Variants in CNTN5 observed in about 807,000 individuals in gnomAD.
CNTN5 encodes the protein contactin-5.
In CNTN5, 77 loss-of-function variants were observed where a neutral mutation model predicts 129.1. The observed-to-expected ratio is 0.60, with a 90% CI of 0.50 to 0.72. The LOEUF is 0.72. Among genes scored for constraint, CNTN5 ranks in the 30% least tolerant of loss-of-function variants. The pLI, the probability that CNTN5 is intolerant of heterozygous loss-of-function variation, is 0.00. For synonymous variants in CNTN5, 509 were observed against 465.6 expected (o/e 1.09, Z -1.20); for missense variants, 1,478 against 1,328.8 (o/e 1.11, Z -1.75).
intron 6 of CNTN5, among the ~76,000 whole-genome samples, chr11:99,892,038 T>C (rs1949074074): frequency 6.6e-6 from 1 of 152,204 alleles, no homozygotes; most frequent in Non-Finnish European, 1.5e-5. Context: ...TGGCCTGAGA[T>C]GGTATCTAAT....
At chr11:99,142,407 G>T (rs1471312250) in intron 1 of CNTN5, among the ~76,000 whole-genome samples, 1 of 152,110 alleles carries the variant, frequency 6.6e-6, no homozygotes, top group Non-Finnish European at 1.5e-5. Context: ...CTGCAGGCAG[G>T]TGCGCACCAA....
At chr11:99,631,424 A>G (rs550319212) in intron 3 of CNTN5, among the ~76,000 whole-genome samples, 35 of 152,140 alleles carry the variant, frequency 2.3e-4, no homozygotes, top group Admixed American at 7.9e-4. Context: ...TTAGTAAAGA[A>G]CGAAATCAAT....
intron 15 of CNTN5, among the ~76,000 whole-genome samples, chr11:100,220,443 G>C (rs930851846): frequency 3.9e-5 from 6 of 152,016 alleles, no homozygotes; most frequent in African/African-American, 1.5e-4. Flanking sequence ...AACTAAAAAT[G>C]CTTAATACAT....
intron 1 of CNTN5, among the ~76,000 whole-genome samples, chr11:99,115,253 T>C (rs770577467): frequency 3.3e-5 from 5 of 152,188 alleles, no homozygotes; most frequent in Admixed American, 6.5e-5. Flanking sequence ...TACTTCATTT[T>C]TGACAAAATA....
At chr11:99,920,966 A>C (rs1287551050) in intron 7 of CNTN5, among the ~76,000 whole-genome samples, 1 of 152,018 alleles carries the variant, frequency 6.6e-6, no homozygotes, top group African/African-American at 2.4e-5. Context: ...AAGATTAATG[A>C]CTTTATTAGA....
Position 100,070,497 on chromosome 11 carries a change from G to C in CNTN5, c.1236G>C (p.Lys412Asn). The C allele has an allele frequency of 6.2e-7, 1 of 1,613,074 alleles. No individual in the cohort carries two copies. Residue 412 changes from lysine (K) to asparagine (N), a missense_variant, in exon 11 of 25, where the codon AAG becomes AAC. By Grantham distance (94) the Lys-to-Asn change is moderately conservative. Transcript: ENST00000524871. ...DSGSPLRWEC[K>N]ATGKPRPTYR... is the part of the protein sequence containing the mutation. ...GGAGCCCTCTCCGATGGGAATGTAA[G>C]GCTACTGGAAAACCCAGACCCACGT...
At chr11:99,023,875 A>G (rs1368318905) in intron 1 of CNTN5, among the ~76,000 whole-genome samples, 1 of 152,182 alleles carries the variant, frequency 6.6e-6, no homozygotes, top group Non-Finnish European at 1.5e-5. Context: ...TTCTGACTCC[A>G]GGAGTTGATT....
intron 2 of CNTN5, among the ~76,000 whole-genome samples, chr11:99,431,339 A>G (rs1943361915): frequency 6.6e-6 from 1 of 152,152 alleles, no homozygotes; most frequent in Non-Finnish European, 1.5e-5. Flanking sequence ...GAAGGAGGAA[A>G]AAGCTCATAC....
intron 4 of CNTN5, among the ~76,000 whole-genome samples, chr11:99,835,404 G>A (rs573622518): frequency 6.6e-6 from 1 of 152,260 alleles, no homozygotes; most frequent in East Asian, 1.9e-4. Context: ...ACTGGAGTCA[G>A]GGCAGGAGGT....
chr11:99,879,988 G>A (rs1948729980), intron 6 of CNTN5, among the ~76,000 whole-genome samples: 1 of 152,154 alleles, frequency 6.6e-6, no homozygotes, highest in African/African-American at 2.4e-5. Context: ...ATTCATTGCA[G>A]TCTGTGAGAA....
In CNTN5 at chr11:99,909,598, G is replaced by A. The variant is rs190631694; in HGVS notation, c.578-6456G>A. On this transcript the variant is annotated intron_variant, in intron 6 of 24. Coordinates refer to ENST00000524871, the MANE Select transcript of CNTN5 (RefSeq NM_014361.4). ...CAATGATAGACTGGATTAAGAAAAT[G>A]TGGCACATATAAACCATGGAATACT... Among the ~76,000 whole-genome samples the A allele has an allele frequency of 3.3e-3, 508 of 152,250 alleles. 3 individuals carry two copies. Among genetic ancestry groups the A allele is most frequent in the African/African-American group, 0.012 (483 of 41,554 alleles).
chr11:99,098,219 GACTT>G (rs1449102506), intron 1 of CNTN5, among the ~76,000 whole-genome samples: 1 of 151,994 alleles, frequency 6.6e-6, no homozygotes, highest in Admixed American at 6.6e-5. Flanking sequence ...GATATTTGTT[GACTT>G]ACTTACTGAT....
intron 1 of CNTN5, among the ~76,000 whole-genome samples, chr11:99,160,979 T>G (rs1860581409): frequency 6.6e-6 from 1 of 152,180 alleles, no homozygotes; most frequent in South Asian, 2.1e-4. Context: ...GTTTACCAGG[T>G]ACAAATCTAT....
intron 3 of CNTN5, among the ~76,000 whole-genome samples, chr11:99,797,200 C>T (rs1470693400): frequency 6.6e-6 from 1 of 152,122 alleles, no homozygotes; most frequent in African/African-American, 2.4e-5. Context: ...CTGTGTACTA[C>T]TGTGATGAAC....
intron 3 of CNTN5, among the ~76,000 whole-genome samples, chr11:99,584,257 T>A (rs1949716971): frequency 2.0e-5 from 3 of 152,192 alleles, no homozygotes; most frequent in African/African-American, 7.2e-5. Context: ...AGTATTAAAA[T>A]TAGCTCTGTA....
chr11:99,200,962 C>CA (rs1245199877), intron 1 of CNTN5, among the ~76,000 whole-genome samples: 1 of 148,844 alleles, frequency 6.7e-6, no homozygotes, highest in Admixed American at 6.7e-5. Flanking sequence ...ACAACAGCAA[C>CA]AAAAAAGTCT....
chr11:100,070,556 C>A lies in CNTN5; in HGVS notation c.1295C>A (p.Pro432His), dbSNP rs568111205. The change falls in exon 11 of 25, where the codon CCT (proline) becomes CAT (histidine). Residue 432 changes from proline (P) to histidine (H), a missense_variant. Coordinates refer to ENST00000524871, the MANE Select transcript of CNTN5 (RefSeq NM_014361.4). ...RWLKNGVPLS[P>H]QSRVEMVNGV... is the part of the protein sequence containing the mutation. The stretch of plus-strand genomic sequence containing the variant: ...CTGAAGAATGGAGTACCCCTCTCAC[C>A]TCAGGTACTGTTGGGAGTTATTAAC... 1 of 1,612,742 alleles carries A rather than the reference C, an allele frequency of 6.2e-7. No homozygotes were observed. Among genetic ancestry groups the A allele is most frequent in the Non-Finnish European group, 8.5e-7 (1 of 1,179,220 alleles).
At chr11:99,985,119 G>T (rs1468522451) in intron 8 of CNTN5, among the ~76,000 whole-genome samples, 7 of 152,068 alleles carry the variant, frequency 4.6e-5, no homozygotes, top group Middle Eastern at 3.2e-3. Flanking sequence ...TTAGCCCCTT[G>T]CCTCATCACA....
At chr11:99,800,885 C>T (rs1946093853) in intron 3 of CNTN5, among the ~76,000 whole-genome samples, 1 of 152,014 alleles carries the variant, frequency 6.6e-6, no homozygotes, top group South Asian at 2.1e-4. Context: ...CAAATTGCCA[C>T]TCTGTTCCTT....
Sources: allele counts gnomAD v4.1 joint callset (sites outside exome capture counted in the v4.1 genomes callset), GRCh38; gene constraint gnomAD v4.1.1; transcripts MANE v1.5; gene names NCBI Gene and HGNC (gene_info 2026-07-23, HGNC 2026-07-21).